Variants in MRTO4 observed in about 807,000 individuals in gnomAD.
The protein encoded by MRTO4 is mRNA turnover protein 4 homolog.
In MRTO4, 7 loss-of-function variants were observed where a neutral mutation model predicts 28.6. The observed-to-expected ratio is 0.24, with a 90% CI of 0.14 to 0.46. MRTO4 has a LOEUF of 0.46. Among genes scored for constraint, MRTO4 ranks in the 20% least tolerant of loss-of-function variants. The pLI is 0.99. For synonymous variants in MRTO4, 113 were observed against 108.2 expected (o/e 1.04, Z -0.27); for missense variants, 302 against 298.3 (o/e 1.01, Z -0.09).
intron 2 of MRTO4, 33 bp from the exon 3 acceptor site, chr1:19,255,915 C>T: frequency 6.3e-7 from 1 of 1,583,148 alleles, no homozygotes; most frequent in Non-Finnish European, 8.7e-7. Flanking sequence ...TATGCTGCTG[C>T]TTGAACTCAG....
At chr1:19,255,871 T>A in intron 2 of MRTO4, 77 bp from the exon 3 acceptor site, 1 of 1,240,616 alleles carries the variant, frequency 8.1e-7, no homozygotes. Context: ...CAGAGCAGAT[T>A]CATTCTCATC....
In MRTO4 at chr1:19,254,946, G is replaced by A. The variant is rs1257422468; in HGVS notation, c.87+106G>A. ...TGTTGGCCAGGGGAACATACTAGTG[G>A]GGAAAAAAAAAAAATCTCCAAGCTG... On this transcript the variant is annotated intron_variant, in intron 2 of 7. Transcript: ENST00000330263. 81 of 940,142 alleles carry A rather than the reference G, an allele frequency of 8.6e-5. No homozygotes were observed. The highest frequency in any genetic ancestry group is 4.4e-4 in the Middle Eastern group (2 of 4,584). The allele number at this position is 940,142 out of a possible 1,614,324, so 58.2% of individuals were successfully genotyped here. A position where few individuals can be genotyped will look rare whatever the true frequency, so the allele number is the denominator to read the frequency against.
Position 19,258,790 on chromosome 1 carries a change from C to T in MRTO4, c.680C>T (p.Ser227Phe). The T allele has an allele frequency of 6.2e-7, 1 of 1,614,194 alleles. No homozygotes were observed. The highest frequency in any genetic ancestry group is 1.1e-5 in the South Asian group (1 of 91,088). Residue 227 changes from serine to phenylalanine, a missense_variant, in exon 8 of 8, where the codon TCT (serine) becomes TTT (phenylalanine). Coordinates refer to ENST00000330263, the MANE Select transcript of MRTO4 (RefSeq NM_016183.4). The part of the protein sequence containing the change: ...QMGDDLPESA[S>F]ESTEESDSED... ...GGAGACGACTTGCCAGAGAGCGCATCTGAGTCCACAGAAGAGTCAGACTCA... is the reference window on the plus strand; with the variant it reads ...GGAGACGACTTGCCAGAGAGCGCATTTGAGTCCACAGAAGAGTCAGACTCA...
chr1:19,258,005 A>T (rs929276351), intron 6 of MRTO4, 21 bp downstream of exon 6: 1 of 1,611,764 alleles, frequency 6.2e-7, no homozygotes, highest in East Asian at 2.2e-5. Context: ...CCCTGGAGCC[A>T]AAAGGTCACA....
At chr1:19,251,923 C>A in intron 1 of MRTO4, 60 bp downstream of exon 1, 1 of 1,554,194 alleles carries the variant, frequency 6.4e-7, no homozygotes, top group Non-Finnish European at 8.7e-7. Flanking sequence ...ACCCAGCCTG[C>A]GGTGAGGGCT....
At chr1:19,257,038 A>G (rs752307081) in intron 3 of MRTO4, 26 bp from the exon 4 acceptor site, 2 of 1,611,754 alleles carry the variant, frequency 1.2e-6, no homozygotes, top group Non-Finnish European at 8.5e-7. Context: ...CTTCCTTCAC[A>G]GAATGCTCTT....
At position 19,251,856 on chromosome 1, in the gene MRTO4, C is replaced by CA; in HGVS notation, c.23dup (p.Lys9GlufsTer75). ...GCGCGATGCCCAAATCCAAGCGCGA[C>CA]AAGAAAGGTGGGCGAAGGGGGAGTC... is the stretch of plus-strand genomic sequence containing the variant. On this transcript the variant is annotated frameshift_variant, in exon 1 of 8. Transcript: ENST00000330263. LOFTEE classifies it high-confidence loss of function. The CA allele has an allele frequency of 6.3e-7, 1 of 1,591,636 alleles. No homozygotes were observed. The highest frequency in any genetic ancestry group is 8.5e-7 in the Non-Finnish European group (1 of 1,169,690).
chr1:19,251,916 C>A lies in MRTO4; in HGVS notation c.28+53C>A, dbSNP rs2093661502. 3 of 1,563,034 alleles carry A rather than the reference C, an allele frequency of 1.9e-6. No individual in the cohort carries two copies. The East Asian group carries it at 7.1e-5, about 37-fold the overall frequency. On this transcript the variant is annotated intron_variant, in intron 1 of 7. Coordinates refer to ENST00000330263, the MANE Select transcript of MRTO4 (RefSeq NM_016183.4). ...GGGGGAGCTCCGTGGGCTGGCTACCCAGCCTGCGGTGAGGGCTTCGGGGCG... is the reference window on the plus strand; with the variant it reads ...GGGGGAGCTCCGTGGGCTGGCTACCAAGCCTGCGGTGAGGGCTTCGGGGCG...
rs1353595320 is a variant in MRTO4, at chr1:19,257,317, C to T, written c.274-137C>T. ...CTCCGGACCCAAGGAATAGCAGCTT[C>T]CTGCCTCCCACTCCTTCCTGCTATG... On this transcript the variant is annotated intron_variant, in intron 4 of 7. Transcript: ENST00000330263. 8.4e-6 allele frequency: 10 copies of T among 1,191,388 alleles called. No homozygotes were observed. The Admixed American group carries it at 1.7e-4, about 20-fold the overall frequency. The allele number at this position is 1,191,388 out of a possible 1,614,324, so 73.8% of individuals were successfully genotyped here. A position where few individuals can be genotyped will look rare whatever the true frequency, so the allele number is the denominator to read the frequency against.
chr1:19,259,815 G>C lies in MRTO4; in HGVS notation c.*985G>C, dbSNP rs2093677753. 1 of 152,286 alleles carries C rather than the reference G, an allele frequency of 6.6e-6. No individual in the cohort carries two copies. Among genetic ancestry groups the C allele is most frequent in the Non-Finnish European group, 1.5e-5 (1 of 68,070 alleles). The allele number at this position is 152,286 out of a possible 1,614,324, so 9.4% of individuals were successfully genotyped here. A position where few individuals can be genotyped will look rare whatever the true frequency, so the allele number is the denominator to read the frequency against. On this transcript the variant is annotated 3_prime_UTR_variant, in exon 8 of 8. Coordinates refer to ENST00000330263, the MANE Select transcript of MRTO4 (RefSeq NM_016183.4). Reference sequence around the variant, plus strand: ...TGAGAGTGACATCACTGCAAGAGTTGAGAGCCAGCGTCTAAAGTGTCCACG... The same window carrying C: ...TGAGAGTGACATCACTGCAAGAGTTCAGAGCCAGCGTCTAAAGTGTCCACG...
intron 1 of MRTO4, 200 bp downstream of exon 1, chr1:19,252,063 G>C: frequency 1.3e-6 from 1 of 750,268 alleles, no homozygotes; most frequent in East Asian, 2.9e-5. Flanking sequence ...GTCGGGTCTG[G>C]GGAGCGGAGA....
intron 1 of MRTO4, among the ~76,000 whole-genome samples, chr1:19,253,981 T>C (rs1312320215): frequency 6.6e-6 from 1 of 152,130 alleles, no homozygotes; most frequent in African/African-American, 2.4e-5. Flanking sequence ...TGGGTCCAAA[T>C]TGCAATACTG....
chr1:19,256,642 A>C (rs984603555), intron 3 of MRTO4, among the ~76,000 whole-genome samples: 47 of 152,172 alleles, frequency 3.1e-4, no homozygotes, highest in African/African-American at 9.9e-4. Context: ...TAGGAGCATC[A>C]CACCAGTTTT....
At chr1:19,258,654 A>AT (rs745547406) in intron 7 of MRTO4, 27 bp from the exon 8 acceptor site, 2 of 1,613,952 alleles carry the variant, frequency 1.2e-6, no homozygotes, top group Non-Finnish European at 1.7e-6. Context: ...ATTCCTCCTG[A>AT]TTCTTTGTTC....
chr1:19,256,988 G>T, intron 3 of MRTO4, 76 bp from the exon 4 acceptor site: 1 of 1,441,098 alleles, frequency 6.9e-7, no homozygotes. Context: ...GGGGACCGGA[G>T]CTACTTTGCA....
At chr1:19,257,348 CA>C in intron 4 of MRTO4, 105 bp from the exon 5 acceptor site, 1 of 1,393,324 alleles carries the variant, frequency 7.2e-7, no homozygotes, top group Non-Finnish European at 1.0e-6. Flanking sequence ...CTATGACAAC[CA>C]AAAACGTCTT....
At chr1:19,257,731 A>AT in intron 5 of MRTO4, 102 bp from the exon 6 acceptor site, 1 of 1,494,778 alleles carries the variant, frequency 6.7e-7, no homozygotes, top group Non-Finnish European at 9.2e-7. Context: ...AAGGTCTGTG[A>AT]TGGGGGAAGG....
intron 3 of MRTO4, among the ~76,000 whole-genome samples, chr1:19,256,366 A>C (rs554994861): frequency 6.6e-6 from 1 of 152,250 alleles, no homozygotes; most frequent in African/African-American, 2.4e-5. Flanking sequence ...AAATACAAAA[A>C]TTAGCCGGGC....
intron 1 of MRTO4, among the ~76,000 whole-genome samples, chr1:19,252,947 C>G (rs1344005101): frequency 6.6e-6 from 1 of 150,662 alleles, no homozygotes; most frequent in African/African-American, 2.5e-5. Context: ...ACTTGCGCAC[C>G]TCTTAAGAGA....
Sources: gnomAD v4.1 joint callset for allele counts (sites outside exome capture counted in the v4.1 genomes callset) on GRCh38, gnomAD v4.1.1 for gene constraint, MANE v1.5 for transcripts, NCBI Gene and HGNC (gene_info 2026-07-23, HGNC 2026-07-21) for gene names.